Variants in GRSF1 observed in about 807,000 individuals in gnomAD.
The protein encoded by GRSF1 is G-rich RNA sequence binding factor 1, also known as G-rich sequence factor 1.
Under a neutral mutation model 51.1 loss-of-function variants are expected in GRSF1, and 50 were observed. The observed-to-expected ratio is 0.98, with a 90% confidence interval of 0.78 to 1.24. The LOEUF is 1.24. GRSF1 is among the 50% of genes most tolerant of loss of function. GRSF1 has a pLI of 0.00. For synonymous variants in GRSF1, 293 were observed against 253.3 expected (o/e 1.16, Z -1.49); for missense variants, 700 against 639.7 (o/e 1.09, Z -1.02).
At chr4:70,839,914 G>A (rs1734403222), upstream of GRSF1, 1 of 1,282,938 alleles carries the variant, frequency 7.8e-7, no homozygotes, top group African/African-American at 1.6e-5. Context: ...GGTTGGGGGT[G>A]GGGTGTGCCT....
At chr4:70,824,964 C>T (rs1438024596) in intron 8 of GRSF1, among the ~76,000 whole-genome samples, 1 of 151,862 alleles carries the variant, frequency 6.6e-6, no homozygotes, top group East Asian at 1.9e-4. Flanking sequence ...TAGTCAGGCA[C>T]GGTGCCAGGC....
intron 1 of GRSF1, among the ~76,000 whole-genome samples, chr4:70,837,884 C>G (rs28370514): frequency 5.3e-4 from 81 of 151,804 alleles, no homozygotes; most frequent in African/African-American, 1.9e-3. Context: ...AGGTGATCCA[C>G]CCGCCGCAGC....
intron 9 of GRSF1, among the ~76,000 whole-genome samples, chr4:70,824,061 C>T (rs1364059300): frequency 7.0e-6 from 1 of 143,506 alleles, no homozygotes; most frequent in Admixed American, 7.6e-5. Context: ...ACCGCTGCCT[C>T]CCGGGTTCAA....
rs1223352495 is a variant in GRSF1, at chr4:70,839,767, T to TGCTGCAGTTACAGCC, written c.46_60dup (p.Gly16_Ser20dup). On this transcript the variant is annotated inframe_insertion, in exon 1 of 10. Transcript: ENST00000254799. ...CAGGCGGCGCCGGTGCGCCGGCAGC[T>TGCTGCAGTTACAGCC]GCTGCAGTTACAGCCGCAGCCCCGG... The TGCTGCAGTTACAGCC allele has an allele frequency of 2.9e-5, 43 of 1,505,514 alleles. No individual in the cohort carries two copies. Among genetic ancestry groups the TGCTGCAGTTACAGCC allele is most frequent in the Non-Finnish European group, 3.8e-5 (43 of 1,134,420 alleles). 93.3% of individuals were successfully genotyped at this position (1,505,514 alleles called of 1,614,324 possible).
chr4:70,833,798 C>G (rs926651928), intron 2 of GRSF1, among the ~76,000 whole-genome samples: 1 of 152,228 alleles, frequency 6.6e-6, no homozygotes, highest in Admixed American at 6.5e-5. Context: ...GGATTACAGG[C>G]ATCAGCCACC....
At position 70,831,522 on chromosome 4, in the gene GRSF1, G is replaced by T; in HGVS notation, c.950+17C>A. ...AATGTGTAACACTTCTGCATCATTA[G>T]TATCTGCTTTACTCACCGATTACCA... On this transcript the variant is annotated intron_variant, in intron 5 of 9. Transcript: ENST00000254799. 4 of 1,608,306 alleles carry T rather than the reference G, an allele frequency of 2.5e-6. No homozygotes were observed. The highest frequency in any genetic ancestry group is 3.4e-6 in the Non-Finnish European group (4 of 1,176,294).
intron 1 of GRSF1, chr4:70,838,949 G>C (rs1296766403): frequency 5.6e-6 from 2 of 357,394 alleles, no homozygotes; most frequent in African/African-American, 2.2e-5. Context: ...GAGAGGGAAC[G>C]GCGCGATGGG....
At chr4:70,829,914 A>G (rs1453620798) in intron 5 of GRSF1, among the ~76,000 whole-genome samples, 1 of 152,154 alleles carries the variant, frequency 6.6e-6, no homozygotes. Flanking sequence ...GCCAGAAAAC[A>G]GTAAAAAAAA....
intron 1 of GRSF1, 180 bp downstream of exon 1, chr4:70,839,291 G>A (rs1307764814): frequency 6.7e-7 from 1 of 1,499,152 alleles, no homozygotes; most frequent in Non-Finnish European, 8.9e-7. Flanking sequence ...ACGCCTGGGA[G>A]AGCTTCCCTT....
intron 2 of GRSF1, 140 bp from the exon 3 acceptor site, chr4:70,833,413 TCATC>T: frequency 2.9e-6 from 2 of 693,958 alleles, no homozygotes; most frequent in South Asian, 3.8e-5. Flanking sequence ...ATCACTGAAG[TCATC>T]CAAACACCAA....
Position 70,815,857 on chromosome 4 carries a change from T to C in GRSF1, c.*5030A>G, listed in dbSNP as rs1733290230. 6.6e-6 allele frequency: 1 copy of C among 152,204 alleles called. No individual in the cohort carries two copies. The highest frequency in any genetic ancestry group is 6.5e-5 in the Admixed American group (1 of 15,280). 9.4% of individuals were successfully genotyped at this position (152,204 alleles called of 1,614,324 possible). ...AGCCCATTGTTCACCAGTTAGTTGT[T>C]CACCTAACAGGTGAAACGTTAAAAT... On this transcript the variant is annotated 3_prime_UTR_variant, in exon 10 of 10. Transcript: ENST00000254799.
chr4:70,839,413 G>A lies in GRSF1; in HGVS notation c.357+58C>T, dbSNP rs760514049. ...CACGGAGGGACGGAGGGGCGCGGGGGCGCGTGCACGCGGCCCGGGAGGGAT... is the reference window on the plus strand; with the variant it reads ...CACGGAGGGACGGAGGGGCGCGGGGACGCGTGCACGCGGCCCGGGAGGGAT... On this transcript the variant is annotated intron_variant, in intron 1 of 9. Transcript: ENST00000254799. 47 of 1,505,970 alleles carry A rather than the reference G, an allele frequency of 3.1e-5. No homozygotes were observed. The African/African-American group carries it at 6.3e-4, about 20-fold the overall frequency. The allele number at this position is 1,505,970 out of a possible 1,614,324, so 93.3% of individuals were successfully genotyped here. A position where few individuals can be genotyped will look rare whatever the true frequency, so the allele number is the denominator to read the frequency against.
At chr4:70,827,278 ACT>A (rs962061532) in intron 6 of GRSF1, among the ~76,000 whole-genome samples, 2 of 102,532 alleles carry the variant, frequency 2.0e-5, no homozygotes, top group Non-Finnish European at 4.3e-5. Context: ...ACAGAGTGAA[ACT>A]CTGTCTCAAA....
At chr4:70,823,501 C>G (rs1332957792) in intron 9 of GRSF1, among the ~76,000 whole-genome samples, 1 of 148,670 alleles carries the variant, frequency 6.7e-6, no homozygotes, top group African/African-American at 2.5e-5. Context: ...TTTTGCCCCC[C>G]ACATCTGAGA....
chr4:70,818,895 T>C lies in GRSF1; in HGVS notation c.*1992A>G, dbSNP rs1216262293. ...CAAATGTGGGGAGACGGTACCGTCTTCCACTTGCATGGAAATAAGATTACT... is the reference window on the plus strand; with the variant it reads ...CAAATGTGGGGAGACGGTACCGTCTCCCACTTGCATGGAAATAAGATTACT... On this transcript the variant is annotated 3_prime_UTR_variant, in exon 10 of 10. Transcript: ENST00000254799. 6.6e-6 allele frequency: 1 copy of C among 152,178 alleles called. No individual in the cohort carries two copies. The allele number at this position is 152,178 out of a possible 1,614,324, so 9.4% of individuals were successfully genotyped here.
At chr4:70,834,198 G>A (rs914242651) in intron 2 of GRSF1, among the ~76,000 whole-genome samples, 3 of 152,200 alleles carry the variant, frequency 2.0e-5, no homozygotes, top group Non-Finnish European at 4.4e-5. Flanking sequence ...GGTGGAGGTT[G>A]CAATGAGCCG....
At position 70,836,182 on chromosome 4, in the gene GRSF1, C is replaced by T. The variant is rs1204869580; in HGVS notation, c.490G>A (p.Glu164Lys). The change falls in exon 2 of 10, where the codon GAA becomes AAA. Residue 164 changes from glutamate (E) to lysine (K), a missense_variant. By Grantham distance (56) the Glu-to-Lys change is moderately conservative. Coordinates refer to ENST00000254799, the MANE Select transcript of GRSF1 (RefSeq NM_002092.4). The stretch of plus-strand genomic sequence containing the variant: ...CCTGAAAAAAAGTTAAGCACATCTT[C>T]CATAGTGCATGACCAGGGCAGTCCT... The part of the protein sequence containing the change: ...AQGLPWSCTM[E>K]DVLNFFSDCR... The T allele has an allele frequency of 6.4e-7, 1 of 1,566,164 alleles. No homozygotes were observed. The highest frequency in any genetic ancestry group is 8.6e-7 in the Non-Finnish European group (1 of 1,162,254).
intron 1 of GRSF1, 189 bp downstream of exon 1, chr4:70,839,282 C>G (rs1415183373): frequency 2.0e-6 from 3 of 1,495,766 alleles, no homozygotes; most frequent in South Asian, 2.4e-5. Flanking sequence ...GAAGACCCGA[C>G]GCCTGGGAGA....
upstream of GRSF1, among the ~76,000 whole-genome samples, chr4:70,840,435 A>T (rs553094624): frequency 2.0e-5 from 3 of 152,108 alleles, no homozygotes; most frequent in Non-Finnish European, 2.9e-5. Context: ...AGACCAACCT[A>T]GGCAACACGG....
Sources: gnomAD v4.1 joint callset for allele counts (sites outside exome capture counted in the v4.1 genomes callset) on GRCh38, gnomAD v4.1.1 for gene constraint, MANE v1.5 for transcripts, NCBI Gene and HGNC (gene_info 2026-07-23, HGNC 2026-07-21) for gene names.